Variants in PNPLA7 observed in about 807,000 individuals in gnomAD.
PNPLA7 encodes patatin-like phospholipase domain-containing protein 7.
In PNPLA7, 153 loss-of-function variants were observed where a neutral mutation model predicts 161.7. The observed-to-expected ratio is 0.95, with a 90% confidence interval of 0.83 to 1.08. The LOEUF is 1.08. Among genes scored for constraint, PNPLA7 ranks in the 50% least tolerant of loss-of-function variants. The pLI is 0.00. For synonymous variants in PNPLA7, 809 were observed against 782.1 expected (o/e 1.03, Z -0.57); for missense variants, 1,739 against 1,856.6 (o/e 0.94, Z 1.16).
chr9:137,528,090 T>G (rs1238271076), intron 8 of PNPLA7, among the ~76,000 whole-genome samples: 5 of 152,256 alleles, frequency 3.3e-5, no homozygotes, highest in Admixed American at 2.6e-4. Flanking sequence ...TGTAGACATG[T>G]GCACTCTTTC....
chr9:137,521,123 A>G (rs1834969406), intron 10 of PNPLA7, among the ~76,000 whole-genome samples: 1 of 151,156 alleles, frequency 6.6e-6, no homozygotes, highest in South Asian at 2.1e-4. Context: ...GGCTGTAGGG[A>G]CCCCATGGGA....
intron 18 of PNPLA7, among the ~76,000 whole-genome samples, chr9:137,495,698 C>T (rs982957854): frequency 6.6e-6 from 1 of 152,218 alleles, no homozygotes; most frequent in Non-Finnish European, 1.5e-5. Flanking sequence ...CCGCCTCGGC[C>T]TCCCAAAGTG....
chr9:137,491,406 TCAGAAG>T, intron 20 of PNPLA7: 1 of 846,114 alleles, frequency 1.2e-6, no homozygotes, highest in Non-Finnish European at 1.4e-6. Context: ...ATAAAGATTG[TCAGAAG>T]GGATGAGGAA....
intron 8 of PNPLA7, among the ~76,000 whole-genome samples, chr9:137,531,304 C>A (rs777388779): frequency 1.3e-5 from 2 of 152,064 alleles, no homozygotes; most frequent in Admixed American, 6.6e-5. Flanking sequence ...TGTTTGGGGG[C>A]GGGTGGGGAA....
At chr9:137,463,332 G>A (rs1461443808) in intron 29 of PNPLA7, 83 bp downstream of exon 29, 16 of 1,227,724 alleles carry the variant, frequency 1.3e-5, no homozygotes, top group South Asian at 9.3e-5. Flanking sequence ...TTCTTGGAGC[G>A]GAGGCAGCTG....
In PNPLA7 at chr9:137,499,581, G is replaced by A. The variant is rs370664388; in HGVS notation, c.1757+1110C>T. On this transcript the variant is annotated intron_variant, in intron 16 of 34. Coordinates refer to ENST00000406427, the MANE Select transcript of PNPLA7 (RefSeq NM_001098537.3). This position sits in a 1 kb window ranked among gnomAD's most constrained non-coding sequence, Gnocchi z 5.5. The stretch of plus-strand genomic sequence containing the variant: ...GGAGCCTCAGTCTCCCCATCAGCAC[G>A]CTGCGGTGTCAGGGCACCCGGCATC... Among the ~76,000 whole-genome samples the A allele has an allele frequency of 7.8e-4, 119 of 152,314 alleles. No homozygotes were observed. The Middle Eastern group carries it at 0.027, about 35-fold the overall frequency.
chr9:137,515,366 C>G lies in PNPLA7; in HGVS notation c.1225+13G>C. ...TGGGTCACACTGGCTGGGCAGCCGTCGAGGTTCTTTACCTTGTGGGGCCGA... is the reference window on the plus strand; with the variant it reads ...TGGGTCACACTGGCTGGGCAGCCGTGGAGGTTCTTTACCTTGTGGGGCCGA... On this transcript the variant is annotated intron_variant, in intron 12 of 34. Coordinates refer to ENST00000406427, the MANE Select transcript of PNPLA7 (RefSeq NM_001098537.3). 6.3e-7 allele frequency: 1 copy of G among 1,596,028 alleles called. No homozygotes were observed. The highest frequency in any genetic ancestry group is 8.5e-7 in the Non-Finnish European group (1 of 1,172,494).
rs989662831 is a variant in PNPLA7 at position 137,541,982 on chromosome 9, A to G, written c.666+660T>C. Among the ~76,000 whole-genome samples the G allele has an allele frequency of 6.6e-6, 1 of 152,130 alleles. No individual in the cohort carries two copies. The highest frequency in any genetic ancestry group is 6.6e-5 in the Admixed American group (1 of 15,264). ...TTTTTTGTAGAGACGGGGTCTCACT[A>G]CTTCGTCCAAGCTGGTCTCTAAGCC... is the stretch of plus-strand genomic sequence containing the variant. On this transcript the variant is annotated intron_variant, in intron 7 of 34. Coordinates refer to ENST00000406427, the MANE Select transcript of PNPLA7 (RefSeq NM_001098537.3). This position sits in a 1 kb window ranked among gnomAD's most constrained non-coding sequence, Gnocchi z 4.4.
chr9:137,505,606 CCA>C lies in PNPLA7; in HGVS notation c.1473+6_1473+7del. 6.2e-7 allele frequency: 1 copy of C among 1,613,610 alleles called. No individual in the cohort carries two copies. The highest frequency in any genetic ancestry group is 1.7e-5 in the Admixed American group (1 of 60,008). On this transcript the variant is annotated splice_donor_region_variant and intron_variant, in intron 14 of 34. Transcript: ENST00000406427. ...GACAAGGGCCAGGTGCCCGCCGGGG[CCA>C]CTCACTTCCAGCTTCATCAGGGTGA...
chr9:137,492,755 C>A (rs1417879185), intron 20 of PNPLA7, among the ~76,000 whole-genome samples: 6 of 12,000 alleles, frequency 5.0e-4, no homozygotes, highest in African/African-American at 1.5e-3. Context: ...CTGGGTGGGC[C>A]GGGCTTCATG....
At position 137,499,585 on chromosome 9, in the gene PNPLA7, C is replaced by T. The variant is rs900357876; in HGVS notation, c.1757+1106G>A. Among the ~76,000 whole-genome samples the T allele has an allele frequency of 6.6e-5, 10 of 152,336 alleles. No homozygotes were observed. The highest frequency in any genetic ancestry group is 3.3e-4 in the Admixed American group (5 of 15,310). Reference sequence around the variant, plus strand: ...CCTCAGTCTCCCCATCAGCACGCTGCGGTGTCAGGGCACCCGGCATCGGGA... The same window carrying T: ...CCTCAGTCTCCCCATCAGCACGCTGTGGTGTCAGGGCACCCGGCATCGGGA... On this transcript the variant is annotated intron_variant, in intron 16 of 34. Transcript: ENST00000406427. The surrounding 1 kb of genome is among the most constrained non-coding windows in gnomAD (Gnocchi z 5.5).
At chr9:137,484,519 A>C in intron 21 of PNPLA7, 68 bp downstream of exon 21, 1 of 1,474,414 alleles carries the variant, frequency 6.8e-7, no homozygotes, top group Non-Finnish European at 9.1e-7. Context: ...GACAGAGGGC[A>C]GCCGGCAGGC....
intron 6 of PNPLA7, 101 bp from the exon 7 acceptor site, chr9:137,542,902 G>T: frequency 7.6e-7 from 1 of 1,321,698 alleles, no homozygotes; most frequent in Non-Finnish European, 1.0e-6. Flanking sequence ...ACTGGCGCCA[G>T]GCTTTGTGCT....
At chr9:137,461,333 C>T in intron 33 of PNPLA7, 1 of 532,538 alleles carries the variant, frequency 1.9e-6, no homozygotes, top group Non-Finnish European at 3.3e-6. Context: ...CTGGGTGACC[C>T]GGGGTGGTCA....
At chr9:137,471,110 T>C (rs1310509233) in intron 25 of PNPLA7, among the ~76,000 whole-genome samples, 1 of 152,206 alleles carries the variant, frequency 6.6e-6, no homozygotes, top group Non-Finnish European at 1.5e-5. Flanking sequence ...AACGTACATA[T>C]GCATATTGTA....
chr9:137,525,931 T>C (rs569887143), intron 8 of PNPLA7, among the ~76,000 whole-genome samples: 33 of 150,106 alleles, frequency 2.2e-4, no homozygotes, highest in African/African-American at 7.2e-4. Context: ...CTCACACTTG[T>C]CTTTGGTCGC....
At chr9:137,503,492 G>A (rs1384645174) in intron 14 of PNPLA7, among the ~76,000 whole-genome samples, 1 of 111,310 alleles carries the variant, frequency 9.0e-6, no homozygotes, top group African/African-American at 3.8e-5. Flanking sequence ...GAAGGAGAAG[G>A]AGGAGGGGGA....
chr9:137,464,276 A>G (rs1831362341), intron 27 of PNPLA7, 64 bp downstream of exon 27: 1 of 1,605,648 alleles, frequency 6.2e-7, no homozygotes, highest in Non-Finnish European at 8.5e-7. Context: ...CAGGGCCAAG[A>G]GGTGGGGGGC....
intron 21 of PNPLA7, among the ~76,000 whole-genome samples, chr9:137,482,091 A>G (rs1041376000): frequency 6.6e-6 from 1 of 152,244 alleles, no homozygotes; most frequent in African/African-American, 2.4e-5. Flanking sequence ...ATCCAGCCCA[A>G]TGCTGGTGCG....
Sources: allele counts gnomAD v4.1 joint callset (sites outside exome capture counted in the v4.1 genomes callset), GRCh38; gene constraint gnomAD v4.1.1; non-coding constraint Gnocchi (gnomAD v3.1); transcripts MANE v1.5; gene names NCBI Gene and HGNC (gene_info 2026-07-23, HGNC 2026-07-21).